SOX6: variants seen among roughly 807,000 people sequenced by gnomAD.
SOX6 encodes the protein transcription factor SOX-6.
A neutral mutation model predicts 97.8 loss-of-function variants in SOX6; 11 were observed. That is an observed-to-expected ratio of 0.11 (90% CI 0.07 to 0.19). The LOEUF is 0.19. SOX6 is among the 10% of genes least tolerant of loss of function. The pLI is 1.00. For synonymous variants in SOX6, 360 were observed against 371.4 expected (o/e 0.97, Z 0.35); for missense variants, 810 against 1,039.5 (o/e 0.78, Z 3.04).
intron 4 of SOX6, among the ~76,000 whole-genome samples, chr11:16,197,669 T>C (rs1490703821): frequency 6.6e-6 from 1 of 152,214 alleles, no homozygotes; most frequent in Non-Finnish European, 1.5e-5. Context: ...CTGCCAAATA[T>C]ATCTCATCAG....
chr11:16,347,182 C>A (rs982735178), intron 1 of SOX6, among the ~76,000 whole-genome samples: 3 of 152,100 alleles, frequency 2.0e-5, no homozygotes, highest in Admixed American at 1.3e-4. Flanking sequence ...GACTGGCCTG[C>A]TGACTGACTG....
At chr11:16,636,147 G>A (rs546671681) in intron 3 of SOX6, among the ~76,000 whole-genome samples, 158 of 152,300 alleles carry the variant, frequency 1.0e-3, no homozygotes, top group African/African-American at 3.3e-3. Flanking sequence ...CATACTCCTA[G>A]AAAACCCACA....
At chr11:16,371,507 A>G (rs1167916863) in intron 1 of SOX6, among the ~76,000 whole-genome samples, 3 of 152,028 alleles carry the variant, frequency 2.0e-5, no homozygotes, top group African/African-American at 7.2e-5. Flanking sequence ...TCCCTCTACT[A>G]GAACGTAAGC....
chr11:16,047,796 T>C (rs1484047299), intron 11 of SOX6, among the ~76,000 whole-genome samples: 1 of 151,830 alleles, frequency 6.6e-6, no homozygotes, highest in African/African-American at 2.4e-5. Context: ...ATCAAGCTCA[T>C]ACTGGATGTC....
At chr11:16,319,265 C>T (rs1327348910) in intron 2 of SOX6, among the ~76,000 whole-genome samples, 1 of 152,178 alleles carries the variant, frequency 6.6e-6, no homozygotes, top group African/African-American at 2.4e-5. Flanking sequence ...GTTTTTCTAG[C>T]TACACAGCTG....
At chr11:16,426,241 G>A (rs1313821665) in intron 1 of SOX6, among the ~76,000 whole-genome samples, 1 of 108,256 alleles carries the variant, frequency 9.2e-6, no homozygotes, top group Non-Finnish European at 1.7e-5. Context: ...GAGGGACAGA[G>A]TGAGACTCCA....
At chr11:16,655,365 G>A (rs1847707505) in intron 3 of SOX6, among the ~76,000 whole-genome samples, 1 of 152,182 alleles carries the variant, frequency 6.6e-6, no homozygotes, top group African/African-American at 2.4e-5. Context: ...ACTGGGAAGT[G>A]AAGATTAGGC....
At chr11:16,600,109 C>A (rs1307108018) in intron 4 of SOX6, among the ~76,000 whole-genome samples, 1 of 152,212 alleles carries the variant, frequency 6.6e-6, no homozygotes, top group Non-Finnish European at 1.5e-5. Context: ...CAAGAGGCAA[C>A]CGCCTGCATG....
At chr11:16,499,063 G>A (rs1332113855) in intron 4 of SOX6, among the ~76,000 whole-genome samples, 2 of 152,170 alleles carry the variant, frequency 1.3e-5, no homozygotes, top group African/African-American at 4.8e-5. Context: ...TGGAAGTAAA[G>A]CACTCCGCAG....
intron 10 of SOX6, 101 bp from the exon 11 acceptor site, chr11:16,050,039 C>T: frequency 8.6e-7 from 1 of 1,158,356 alleles, no homozygotes; most frequent in Non-Finnish European, 1.3e-6. Context: ...GACAATGCCA[C>T]ATTCTCCTAC....
chr11:16,477,833 C>A (rs1338340639), upstream of SOX6, among the ~76,000 whole-genome samples: 1 of 152,208 alleles, frequency 6.6e-6, no homozygotes, highest in East Asian at 1.9e-4. Context: ...CTCAGGGCTT[C>A]TCCAGTTTCA....
chr11:16,158,204 T>C (rs1418873406), intron 6 of SOX6, among the ~76,000 whole-genome samples: 1 of 152,004 alleles, frequency 6.6e-6, no homozygotes, highest in Non-Finnish European at 1.5e-5. Flanking sequence ...ATACTTTCAA[T>C]GCATCTAGAC....
chr11:16,635,997 C>G (rs1279987706), intron 3 of SOX6, among the ~76,000 whole-genome samples: 3 of 152,242 alleles, frequency 2.0e-5, no homozygotes, highest in Admixed American at 6.5e-5. Flanking sequence ...TGGAGAGCCT[C>G]TGCTAGGGCA....
At chr11:16,024,621 T>A (rs936435765) in intron 12 of SOX6, among the ~76,000 whole-genome samples, 1 of 151,914 alleles carries the variant, frequency 6.6e-6, no homozygotes, top group South Asian at 2.1e-4. Context: ...AGAAACAGAA[T>A]CTCAATGCTA....
upstream of SOX6, among the ~76,000 whole-genome samples, chr11:16,479,117 C>A (rs555359585): frequency 6.6e-6 from 1 of 152,176 alleles, no homozygotes; most frequent in African/African-American, 2.4e-5. Flanking sequence ...ACCTGGGTCA[C>A]AGTCTATTAC....
At chr11:16,680,531 T>C (rs1477389459) in intron 3 of SOX6, among the ~76,000 whole-genome samples, 2 of 152,182 alleles carry the variant, frequency 1.3e-5, no homozygotes, top group Non-Finnish European at 2.9e-5. Flanking sequence ...CAATAGACGC[T>C]ATGAAGAAAC....
chr11:16,219,113 T>C (rs1042075134), intron 4 of SOX6, among the ~76,000 whole-genome samples: 4 of 152,210 alleles, frequency 2.6e-5, no homozygotes, highest in African/African-American at 9.6e-5. Flanking sequence ...TCATTTTGTA[T>C]AGACTTTCTA....
At chr11:16,372,539 T>TAAGG (rs1371046773) in intron 1 of SOX6, among the ~76,000 whole-genome samples, 11 of 151,994 alleles carry the variant, frequency 7.2e-5, no homozygotes, top group Non-Finnish European at 1.3e-4. Flanking sequence ...GGTGGGACTT[T>TAAGG]GTTGGAAAGG....
At chr11:16,306,452 T>C (rs972704733) in intron 3 of SOX6, among the ~76,000 whole-genome samples, 5 of 151,956 alleles carry the variant, frequency 3.3e-5, no homozygotes, top group East Asian at 3.9e-4. Context: ...AATGGATAAA[T>C]GGAAAATTTC....
Sources: allele counts gnomAD v4.1 joint callset (sites outside exome capture counted in the v4.1 genomes callset), GRCh38; gene constraint gnomAD v4.1.1; transcripts MANE v1.5; gene names NCBI Gene and HGNC (gene_info 2026-07-23, HGNC 2026-07-21).